The following NFATC3 variants were observed in gnomAD, a reference collection of about 807,000 sequenced individuals.
NFATC3 encodes nuclear factor of activated T cells 3.
Under a neutral mutation model 98.6 loss-of-function variants are expected in NFATC3, and 46 were observed. That is an observed-to-expected ratio of 0.47 (90% CI 0.37 to 0.60). NFATC3 has a LOEUF of 0.60. NFATC3 is among the 20% of genes least tolerant of loss of function. The pLI is 0.00. For missense variants in NFATC3, 1,256 were observed against 1,295.5 expected (o/e 0.97, Z 0.47); for synonymous variants, 512 against 472.2 (o/e 1.08, Z -1.09).
chr16:68,089,655 T>C (rs536263103), intron 1 of NFATC3: 1 of 152,348 alleles, frequency 6.6e-6, no homozygotes, highest in South Asian at 2.1e-4. Context: ...ATAGATGATA[T>C]ACCTCAGTAG....
At chr16:68,202,922 C>G (rs1421659174) in intron 9 of NFATC3, among the ~76,000 whole-genome samples, 6 of 152,114 alleles carry the variant, frequency 3.9e-5, no homozygotes, top group African/African-American at 1.4e-4. Context: ...ACTATGGGCA[C>G]TGGAGTGGAG....
chr16:68,101,636 A>G (rs920597374), intron 1 of NFATC3, among the ~76,000 whole-genome samples: 6 of 151,902 alleles, frequency 3.9e-5, no homozygotes, highest in Admixed American at 6.6e-5. Flanking sequence ...GGCGCCTGCC[A>G]CCACGCCTGG....
Position 68,122,075 on chromosome 16 carries a change from T to A in NFATC3, c.192T>A (p.His64Gln). The A allele has an allele frequency of 6.2e-7, 1 of 1,613,976 alleles. No homozygotes were observed. The highest frequency in any genetic ancestry group is 8.5e-7 in the Non-Finnish European group (1 of 1,180,004). ...STLTTPLCLP[H>Q]HGLPSHSSVL... is the part of the protein sequence containing the mutation. ...TAACCACACCACTTTGCTTACCACA[T>A]CATGGATTACCGTCTCACTCTTCTG... Residue 64 changes from histidine to glutamine, a missense_variant, in exon 2 of 10, where the codon CAT becomes CAA. Physicochemically the swap from His to Gln is conservative, Grantham distance 24. Around this residue, in one of 3 missense-constraint regions of NFATC3, gnomAD observed 464 missense variants for 465.7 expected, o/e 1.00. Coordinates refer to ENST00000346183, the MANE Select transcript of NFATC3 (RefSeq NM_173165.3).
At chr16:68,194,651 A>G (rs1286121762) in intron 9 of NFATC3, among the ~76,000 whole-genome samples, 1 of 152,214 alleles carries the variant, frequency 6.6e-6, no homozygotes, top group Non-Finnish European at 1.5e-5. Flanking sequence ...AACTGAAGAT[A>G]GGAGATTTAT....
rs902305079 is a variant in NFATC3, at chr16:68,085,495, C to T, written c.-187C>T. The T allele has an allele frequency of 4.9e-4, 248 of 508,186 alleles. 1 individual carries two copies. Among genetic ancestry groups the T allele is most frequent in the Admixed American group, 8.0e-4 (18 of 22,422 alleles). 31.5% of individuals were successfully genotyped at this position (508,186 alleles called of 1,614,324 possible). A position where few individuals can be genotyped will look rare whatever the true frequency, so the allele number is the denominator to read the frequency against. On this transcript the variant is annotated 5_prime_UTR_variant, in exon 1 of 10. Coordinates refer to ENST00000346183, the MANE Select transcript of NFATC3 (RefSeq NM_173165.3). Reference sequence around the variant, plus strand: ...GGCGGCTGCGGTTCCTGGTGCTGCTCGGCGCGCGGCCAGCTTTCGGAACGG... The same window carrying T: ...GGCGGCTGCGGTTCCTGGTGCTGCTTGGCGCGCGGCCAGCTTTCGGAACGG...
At chr16:68,088,465 TATATA>T (rs928174499) in intron 1 of NFATC3, among the ~76,000 whole-genome samples, 8 of 125,476 alleles carry the variant, frequency 6.4e-5, no homozygotes, top group South Asian at 5.4e-4. Context: ...CATATAATTA[TATATA>T]ATATATGTAG....
At chr16:68,194,110 T>C (rs1030688289) in intron 9 of NFATC3, among the ~76,000 whole-genome samples, 1 of 151,990 alleles carries the variant, frequency 6.6e-6, no homozygotes, top group Non-Finnish European at 1.5e-5. Flanking sequence ...CTGAGGTAGA[T>C]AGTGACATTT....
At position 68,183,240 on chromosome 16, in the gene NFATC3, G is replaced by T; in HGVS notation, c.1972G>T (p.Ala658Ser). 6.3e-7 allele frequency: 1 copy of T among 1,580,828 alleles called. No individual in the cohort carries two copies. Among genetic ancestry groups the T allele is most frequent in the Non-Finnish European group, 8.6e-7 (1 of 1,169,006 alleles). Residue 658 changes from alanine (A) to serine (S), a missense_variant and splice_region_variant, in exon 8 of 10, where the codon GCT (alanine) becomes TCT (serine). Physicochemically the swap from Ala to Ser is moderately conservative, Grantham distance 99. Around this residue, in one of 3 missense-constraint regions of NFATC3, gnomAD observed 636 missense variants for 617.3 expected, o/e 1.03. Coordinates refer to ENST00000346183, the MANE Select transcript of NFATC3 (RefSeq NM_173165.3). ...ACACAATCTTGCTTTCCATCCTTAG[G>T]CTCACATTGTCCTTGAAGTTCCTCC... Reference protein sequence around the residue: ...GKIIREKCQGAHIVLEVPPYH... With the variant: ...GKIIREKCQGSHIVLEVPPYH...
rs778250129 is a variant in NFATC3, at chr16:68,167,045, T to C, written c.1774+30T>C. On this transcript the variant is annotated intron_variant, in intron 5 of 9. Coordinates refer to ENST00000346183, the MANE Select transcript of NFATC3 (RefSeq NM_173165.3). ...GTGAGCTTGTGATGATGTTTTAAGA[T>C]CTTGTGTATAATAGCTTATTTTCTG... The C allele has an allele frequency of 2.5e-6, 4 of 1,597,436 alleles. No homozygotes were observed. In the African/African-American group the frequency reaches 4.0e-5, roughly 16 times the overall value.
At chr16:68,147,647 T>C (rs773241364) in intron 3 of NFATC3, among the ~76,000 whole-genome samples, 1 of 151,586 alleles carries the variant, frequency 6.6e-6, no homozygotes, top group Non-Finnish European at 1.5e-5. Context: ...AAATTTATGA[T>C]TAAACATGAA....
chr16:68,112,129 T>G (rs546569482), intron 1 of NFATC3, among the ~76,000 whole-genome samples: 4 of 152,164 alleles, frequency 2.6e-5, no homozygotes, highest in African/African-American at 9.6e-5. Context: ...CTTACTGGGT[T>G]TCTCTGAATT....
intron 3 of NFATC3, among the ~76,000 whole-genome samples, chr16:68,130,056 A>G (rs2037038832): frequency 6.6e-6 from 1 of 152,148 alleles, no homozygotes; most frequent in South Asian, 2.1e-4. Context: ...TCATCCACTG[A>G]CGAACACTTA....
intron 1 of NFATC3, chr16:68,089,183 G>T (rs74519164): frequency 0.014 from 13,503 of 985,378 alleles, 94 homozygotes; most frequent in Non-Finnish European, 0.015. Context: ...ACAGTGAGAA[G>T]ATTTTTGAAA....
At chr16:68,166,020 C>A (rs2039175896) in intron 4 of NFATC3, among the ~76,000 whole-genome samples, 1 of 152,208 alleles carries the variant, frequency 6.6e-6, no homozygotes, top group Non-Finnish European at 1.5e-5. Flanking sequence ...CTTCATCTTA[C>A]ATGTGCATTC....
intron 3 of NFATC3, among the ~76,000 whole-genome samples, chr16:68,128,244 G>T (rs1457259622): frequency 6.6e-6 from 1 of 151,810 alleles, no homozygotes; most frequent in African/African-American, 2.4e-5. Context: ...TCTCTTTTAT[G>T]AGCTATGCTT....
chr16:68,085,540 C>T lies in NFATC3; in HGVS notation c.-142C>T. The T allele has an allele frequency of 1.5e-6, 1 of 678,206 alleles. No homozygotes were observed. Among genetic ancestry groups the T allele is most frequent in the Non-Finnish European group, 2.3e-6 (1 of 443,726 alleles). 42.0% of individuals were successfully genotyped at this position (678,206 alleles called of 1,614,324 possible). A position where few individuals can be genotyped will look rare whatever the true frequency, so the allele number is the denominator to read the frequency against. ...GAACGGAACGCTCGGCGTCGCGGGC[C>T]CCGCCCGGAAAGTTTGCCGTGGAGT... is the stretch of plus-strand genomic sequence containing the variant. On this transcript the variant is annotated 5_prime_UTR_variant, in exon 1 of 10. Coordinates refer to ENST00000346183, the MANE Select transcript of NFATC3 (RefSeq NM_173165.3).
intron 9 of NFATC3, among the ~76,000 whole-genome samples, chr16:68,214,625 A>T (rs867451614): frequency 1.4e-4 from 21 of 152,250 alleles, no homozygotes; most frequent in Middle Eastern, 3.4e-3. Flanking sequence ...AGGCTCTTAC[A>T]CTTGTGCTTA....
Position 68,166,874 on chromosome 16 carries a change from A to G in NFATC3, c.1633A>G (p.Asn545Asp). The change falls in exon 5 of 10, where the codon AAT (asparagine) becomes GAT (aspartate). Residue 545 changes from asparagine to aspartate, a missense_variant. Physicochemically the swap from Asn to Asp is conservative, Grantham distance 23. This residue lies in a region of NFATC3 where 156 missense variants were observed against 212.4 expected (regional missense o/e 0.73). Coordinates refer to ENST00000346183, the MANE Select transcript of NFATC3 (RefSeq NM_173165.3). ...IDCAGILKLR[N>D]SDIELRKGET... is the part of the protein sequence containing the mutation. ...TTGTGCAGGTATTTTGAAACTCCGC[A>G]ATTCAGATATAGAACTTCGAAAAGG... The G allele has an allele frequency of 6.2e-7, 1 of 1,613,926 alleles. No homozygotes were observed. Among genetic ancestry groups the G allele is most frequent in the East Asian group, 2.2e-5 (1 of 44,876 alleles).
At chr16:68,089,424 G>A (rs903612336) in intron 1 of NFATC3, 9 of 347,898 alleles carry the variant, frequency 2.6e-5, no homozygotes, top group South Asian at 1.2e-4. Context: ...CCCTAGAGTC[G>A]TCAGCTTTCT....
Sources: allele counts gnomAD v4.1 joint callset (sites outside exome capture counted in the v4.1 genomes callset), GRCh38; gene constraint gnomAD v4.1.1; regional missense constraint gnomAD v4.1.1; transcripts MANE v1.5; gene names NCBI Gene and HGNC (gene_info 2026-07-23, HGNC 2026-07-21).